WDPCP: variants seen among roughly 807,000 people sequenced by gnomAD.
The protein encoded by WDPCP is WD repeat-containing and planar cell polarity effector protein fritz homolog.
In WDPCP, 71 loss-of-function variants were observed where a neutral mutation model predicts 93.1. The ratio of observed to expected loss-of-function variants is 0.76; its 90% CI spans 0.63 to 0.93. WDPCP has a LOEUF of 0.93. Ranked by LOEUF, WDPCP falls within the 40% of genes least tolerant of loss-of-function variation. The pLI, the probability that WDPCP is intolerant of heterozygous loss-of-function variation, is 0.00. For synonymous variants in WDPCP, 315 were observed against 315.0 expected, an observed-to-expected ratio of 1.00 and a Z score of 0.00; for missense variants, 844 against 887.4, an observed-to-expected ratio of 0.95 and a Z score of 0.62.
intron 6 of WDPCP, among the ~76,000 whole-genome samples, chr2:63,478,919 GATAA>G (rs1396798687): frequency 2.0e-5 from 3 of 151,384 alleles, no homozygotes; most frequent in African/African-American, 7.3e-5. Flanking sequence ...TCTTTGAAAA[GATAA>G]ATAAAATTGA....
chr2:63,586,176 T>C (rs7596703), intron 1 of WDPCP, among the ~76,000 whole-genome samples: 10,658 of 152,210 alleles, frequency 0.07, 1,135 homozygotes, highest in African/African-American at 0.23. Context: ...ATCTTGTGAG[T>C]TCCAAAGTGC....
intron 13 of WDPCP, among the ~76,000 whole-genome samples, chr2:63,301,439 T>C (rs544817428): frequency 1.3e-5 from 2 of 152,322 alleles, no homozygotes; most frequent in East Asian, 3.9e-4. Context: ...CAGGCCATAA[T>C]AGCAGGATAT....
At chr2:63,242,726 G>A (rs1235384151) in intron 14 of WDPCP, among the ~76,000 whole-genome samples, 1 of 152,196 alleles carries the variant, frequency 6.6e-6, no homozygotes, top group Non-Finnish European at 1.5e-5. Flanking sequence ...TTTGCTGGGT[G>A]CATAATCACC....
chr2:63,232,710 C>T (rs1679028842), intron 14 of WDPCP: 1 of 152,886 alleles, frequency 6.5e-6, no homozygotes, highest in South Asian at 2.1e-4. Context: ...GGTGACCATT[C>T]AATCACATTA....
intron 9 of WDPCP, among the ~76,000 whole-genome samples, chr2:63,409,628 T>C (rs1164794778): frequency 6.6e-6 from 1 of 152,038 alleles, no homozygotes; most frequent in Non-Finnish European, 1.5e-5. Flanking sequence ...AGGTGAATCC[T>C]AATGCAAGGA....
chr2:63,624,634 G>A lies in WDPCP; in HGVS notation n.488+26025C>T, dbSNP rs573673701. On this transcript the variant is annotated intron_variant and non_coding_transcript_variant, in intron 3 of 4. Transcript: ENST00000467687. ...CACCCTCCCAAGACTAAACCAGGAA[G>A]AAGTCAAACCCTGAGTAGACCAATA... Among the ~76,000 whole-genome samples, 3 of 152,200 alleles carry A rather than the reference G, an allele frequency of 2.0e-5. No homozygotes were observed. The South Asian group carries it at 6.2e-4, about 32-fold the overall frequency.
intron 13 of WDPCP, among the ~76,000 whole-genome samples, chr2:63,291,915 T>C (rs4613259): frequency 0.8 from 121,321 of 151,462 alleles, 49,473 homozygotes; most frequent in East Asian, 0.96. Flanking sequence ...GGGCGGATCA[T>C]GAGGTCAGGA....
intron 1 of WDPCP, among the ~76,000 whole-genome samples, chr2:63,516,032 A>G (rs1040142620): frequency 2.0e-5 from 3 of 151,888 alleles, no homozygotes; most frequent in Non-Finnish European, 4.4e-5. Flanking sequence ...AAAAAAAAAA[A>G]AGATTTTCTA....
intron 14 of WDPCP, 135 bp downstream of exon 14, chr2:63,259,172 T>C: frequency 1.3e-6 from 1 of 751,228 alleles, no homozygotes; most frequent in South Asian, 1.6e-5. Context: ...CAAAGCTTAA[T>C]TCTTCTTTTT....
chr2:63,199,088 T>C (rs62177761), intron 14 of WDPCP, among the ~76,000 whole-genome samples: 34,104 of 151,992 alleles, frequency 0.22, 4,319 homozygotes, highest in Non-Finnish European at 0.3. Context: ...GGGTATATGG[T>C]GGAAGGATTT....
At chr2:63,683,610 C>T (rs10187024) in intron 2 of WDPCP, among the ~76,000 whole-genome samples, 65,046 of 151,862 alleles carry the variant, frequency 0.43, 15,173 homozygotes, top group African/African-American at 0.61. Context: ...CCCAGCACTT[C>T]GGGAGGCCAA....
intron 17 of WDPCP, among the ~76,000 whole-genome samples, chr2:63,147,244 G>A (rs920019968): frequency 6.6e-6 from 1 of 152,162 alleles, no homozygotes; most frequent in Admixed American, 6.5e-5. Context: ...TAGCAGCATT[G>A]TGGAGGCTAG....
At chr2:63,204,278 T>G (rs2104357224) in intron 14 of WDPCP, among the ~76,000 whole-genome samples, 1 of 152,146 alleles carries the variant, frequency 6.6e-6, no homozygotes, top group East Asian at 1.9e-4. Flanking sequence ...ACTGTAGTTT[T>G]GATTTGCATT....
intron 2 of WDPCP, among the ~76,000 whole-genome samples, chr2:63,491,208 CT>C (rs1406963084): frequency 2.0e-5 from 3 of 152,032 alleles, no homozygotes; most frequent in African/African-American, 7.2e-5. Context: ...CTCTGTTGTA[CT>C]TTTTTCCCCC....
At chr2:63,641,519 G>C (rs1709980056) in intron 3 of WDPCP, among the ~76,000 whole-genome samples, 1 of 152,046 alleles carries the variant, frequency 6.6e-6, no homozygotes, top group Non-Finnish European at 1.5e-5. Flanking sequence ...CTGTAGTTTT[G>C]TTTTGCATTT....
At chr2:63,290,362 C>A (rs1456246909) in intron 13 of WDPCP, among the ~76,000 whole-genome samples, 1 of 152,024 alleles carries the variant, frequency 6.6e-6, no homozygotes, top group African/African-American at 2.4e-5. Flanking sequence ...ATTCCATTTA[C>A]CCCCTCCTCT....
chr2:63,403,398 T>G (rs949078501), intron 10 of WDPCP, among the ~76,000 whole-genome samples: 2 of 150,612 alleles, frequency 1.3e-5, no homozygotes, highest in African/African-American at 4.9e-5. Context: ...ATAACAAACC[T>G]GCATGTGTAC....
intron 2 of WDPCP, among the ~76,000 whole-genome samples, chr2:63,680,824 G>A (rs552018391): frequency 3.9e-5 from 6 of 152,286 alleles, no homozygotes; most frequent in Non-Finnish European, 1.5e-5. Context: ...ACAGTAAAGA[G>A]GACTTTGTCT....
intron 1 of WDPCP, among the ~76,000 whole-genome samples, chr2:63,527,417 T>G (rs1356775295): frequency 7.7e-6 from 1 of 129,458 alleles, no homozygotes; most frequent in East Asian, 2.6e-4. Context: ...CCCCTTCCAG[T>G]ATCCAAGTGT....
Sources: allele counts gnomAD v4.1 joint callset (sites outside exome capture counted in the v4.1 genomes callset), GRCh38; gene constraint gnomAD v4.1.1; transcripts MANE v1.5; gene names NCBI Gene and HGNC (gene_info 2026-07-23, HGNC 2026-07-21).